VCAN: variants seen among roughly 807,000 people sequenced by gnomAD.
VCAN encodes the protein versican.
Under a neutral mutation model 245.5 loss-of-function variants are expected in VCAN, and 44 were observed. The ratio of observed to expected loss-of-function variants is 0.18; its 90% CI spans 0.14 to 0.23. The LOEUF is 0.23. Among genes scored for constraint, VCAN ranks in the 10% least tolerant of loss-of-function variants. The pLI, the probability that VCAN is intolerant of heterozygous loss-of-function variation, is 1.00. For synonymous variants in VCAN, 1,413 were observed against 1,437.0 expected, an observed-to-expected ratio of 0.98 and a Z score of 0.38; for missense variants, 3,793 against 4,057.9, an observed-to-expected ratio of 0.93 and a Z score of 1.77.
chr5:83,566,327 A>G (rs1035368860), intron 12 of VCAN, among the ~76,000 whole-genome samples: 1 of 152,162 alleles, frequency 6.6e-6, no homozygotes, highest in African/African-American at 2.4e-5. Flanking sequence ...GAAAAGGGCT[A>G]TTAGTGTACA....
intron 12 of VCAN, among the ~76,000 whole-genome samples, chr5:83,558,081 C>T (rs1747738045): frequency 6.6e-6 from 1 of 152,148 alleles, no homozygotes; most frequent in Non-Finnish European, 1.5e-5. Context: ...TCGCATTCAA[C>T]TGATCTCCTG....
At chr5:83,505,977 C>T (rs191051791) in intron 5 of VCAN, among the ~76,000 whole-genome samples, 215 of 152,330 alleles carry the variant, frequency 1.4e-3, no homozygotes, top group Non-Finnish European at 2.3e-3. Context: ...CACTCAGCCA[C>T]GGTTTGAGTG....
chr5:83,504,964 G>A (rs1745439740), intron 5 of VCAN, among the ~76,000 whole-genome samples: 1 of 152,062 alleles, frequency 6.6e-6, no homozygotes, highest in Non-Finnish European at 1.5e-5. Context: ...AGAAACCCCT[G>A]ATAAACCCAT....
chr5:83,537,113 A>G lies in VCAN; in HGVS notation c.4110A>G (p.Glu1370=), dbSNP rs372671446. 2 of 1,613,904 alleles carry G rather than the reference A, an allele frequency of 1.2e-6. No homozygotes were observed. Among genetic ancestry groups the G allele is most frequent in the Non-Finnish European group, 1.7e-6 (2 of 1,179,872 alleles). ...ETDPVHDLMA[E]ILPEFPDIIE... Reference sequence around the variant, plus strand: ...ATCCAGTGCATGATCTAATGGCTGAAATTTTACCTGAATTCCCTGACATAA... The same window carrying G: ...ATCCAGTGCATGATCTAATGGCTGAGATTTTACCTGAATTCCCTGACATAA... The change falls in exon 8 of 15, where the codon GAA becomes GAG. Residue 1370 remains glutamate (E), a synonymous_variant. Transcript: ENST00000265077.
intron 9 of VCAN, among the ~76,000 whole-genome samples, chr5:83,546,166 G>T (rs921494419): frequency 1.5e-4 from 22 of 151,540 alleles, no homozygotes; most frequent in African/African-American, 5.3e-4. Flanking sequence ...GCTGTTCCCT[G>T]CCTCTCTTTT....
intron 1 of VCAN, among the ~76,000 whole-genome samples, chr5:83,478,337 G>A (rs1412925218): frequency 6.6e-6 from 1 of 152,086 alleles, no homozygotes; most frequent in Non-Finnish European, 1.5e-5. Flanking sequence ...AAGTAAATAG[G>A]TTCCTCTACT....
At chr5:83,514,320 T>C (rs1745769969) in intron 6 of VCAN, among the ~76,000 whole-genome samples, 1 of 152,226 alleles carries the variant, frequency 6.6e-6, no homozygotes, top group African/African-American at 2.4e-5. Flanking sequence ...ATTTAGTGCG[T>C]AGAAGGTTAA....
Position 83,541,698 on chromosome 5 carries a change from G to A in VCAN, c.8695G>A (p.Glu2899Lys), listed in dbSNP as rs754282657. 62 of 1,613,870 alleles carry A rather than the reference G, an allele frequency of 3.8e-5. No homozygotes were observed. In the Middle Eastern group the frequency reaches 1.3e-3, roughly 34 times the overall value. The change falls in exon 8 of 15, where the codon GAA (glutamate) becomes AAA (lysine). Residue 2899 changes from glutamate (E) to lysine (K), a missense_variant. Transcript: ENST00000265077. ...PPSLSPDTKL[E>K]PSEDDGKPEL... is the part of the protein sequence containing the mutation. ...CTCTTTATCTCCTGACACAAAATTAGAACCTTCAGAAGATGATGGTAAACC... is the reference window on the plus strand; with the variant it reads ...CTCTTTATCTCCTGACACAAAATTAAAACCTTCAGAAGATGATGGTAAACC...
At chr5:83,502,038 C>T (rs1026525607) in intron 5 of VCAN, among the ~76,000 whole-genome samples, 3 of 152,026 alleles carry the variant, frequency 2.0e-5, no homozygotes, top group African/African-American at 7.2e-5. Context: ...AAATATTTTA[C>T]TATTTTTGAT....
At chr5:83,533,891 A>G (rs1746609950) in intron 7 of VCAN, among the ~76,000 whole-genome samples, 1 of 152,140 alleles carries the variant, frequency 6.6e-6, no homozygotes, top group Non-Finnish European at 1.5e-5. Context: ...TGGAGCTAAA[A>G]TCAGAAACTA....
chr5:83,540,031 G>A lies in VCAN; in HGVS notation c.7028G>A (p.Gly2343Glu). 1.2e-6 allele frequency: 2 copies of A among 1,614,048 alleles called. No individual in the cohort carries two copies. The highest frequency in any genetic ancestry group is 2.7e-5 in the African/African-American group (2 of 75,046). The change falls in exon 8 of 15, where the codon GGA becomes GAA. Residue 2343 changes from glycine (G) to glutamate (E), a missense_variant. By Grantham distance (98) the Gly-to-Glu change is moderately conservative. Around this residue, in one of 5 missense-constraint regions of VCAN, gnomAD observed 3,182 missense variants for 3,250.3 expected, o/e 0.98. Transcript: ENST00000265077. ...IEILSDTGAE[G>E]PTVAPLPFST... ...ATTTTAAGTGACACTGGAGCAGAAG[G>A]ACCCACGGTGGCACCTCTCCCTTTC...
chr5:83,490,923 T>C (rs1744963016), intron 3 of VCAN, among the ~76,000 whole-genome samples: 2 of 152,210 alleles, frequency 1.3e-5, no homozygotes, highest in Non-Finnish European at 2.9e-5. Flanking sequence ...AATATGATTA[T>C]TAAAATATTT....
chr5:83,475,429 T>C (rs1561221401), intron 1 of VCAN, among the ~76,000 whole-genome samples: 1 of 152,262 alleles, frequency 6.6e-6, no homozygotes, highest in African/African-American at 2.4e-5. Flanking sequence ...TGTGACCTAA[T>C]TGTTTTAAGC....
chr5:83,538,619 G>T lies in VCAN; in HGVS notation c.5616G>T (p.Pro1872=). 1 of 1,613,994 alleles carries T rather than the reference G, an allele frequency of 6.2e-7. No homozygotes were observed. The highest frequency in any genetic ancestry group is 1.3e-5 in the African/African-American group (1 of 75,004). The change falls in exon 8 of 15, where the codon CCG becomes CCT. Residue 1872 remains proline, a synonymous_variant. Coordinates refer to ENST00000265077, the MANE Select transcript of VCAN (RefSeq NM_004385.5). ...AEKEVAGTLS[P]HVETTFSTEP... ...AGGAAGTAGCTGGCACTTTGTCTCC[G>T]CATGTGGAAACTACATTCTCCACTG...
At chr5:83,545,112 C>A (rs1747154285) in intron 8 of VCAN, 2 of 225,724 alleles carry the variant, frequency 8.9e-6, no homozygotes, top group East Asian at 2.2e-4. Flanking sequence ...ACAAGCCAAC[C>A]TGCTAAAAAG....
chr5:83,480,482 G>T (rs6867396), intron 1 of VCAN, among the ~76,000 whole-genome samples: 1 of 152,122 alleles, frequency 6.6e-6, no homozygotes, highest in South Asian at 2.1e-4. Context: ...TGATTCAAAA[G>T]TGTTCAAAAG....
At chr5:83,479,044 C>A (rs1744521246) in intron 1 of VCAN, among the ~76,000 whole-genome samples, 1 of 152,144 alleles carries the variant, frequency 6.6e-6, no homozygotes, top group African/African-American at 2.4e-5. Context: ...CAGGAATTCA[C>A]ATGATGCTAT....
intron 2 of VCAN, among the ~76,000 whole-genome samples, chr5:83,484,903 T>C (rs1744743271): frequency 6.6e-6 from 1 of 152,036 alleles, no homozygotes; most frequent in Non-Finnish European, 1.5e-5. Flanking sequence ...TGTCTGTAAG[T>C]TAGGAAGAAA....
intron 5 of VCAN, among the ~76,000 whole-genome samples, chr5:83,511,459 G>A (rs1580618685): frequency 6.6e-6 from 1 of 152,144 alleles, no homozygotes; most frequent in East Asian, 1.9e-4. Flanking sequence ...TGTGCAGGCC[G>A]CGACCTTCGT....
Sources: allele counts gnomAD v4.1 joint callset (sites outside exome capture counted in the v4.1 genomes callset), GRCh38; gene constraint gnomAD v4.1.1; regional missense constraint gnomAD v4.1.1; transcripts MANE v1.5; gene names NCBI Gene and HGNC (gene_info 2026-07-23, HGNC 2026-07-21).